BTC: variants seen among roughly 807,000 people sequenced by gnomAD.
The protein encoded by BTC is betacellulin.
Under a neutral mutation model 18.1 loss-of-function variants are expected in BTC, and 13 were observed. That is an observed-to-expected ratio of 0.72 (90% CI 0.47 to 1.14). The LOEUF (loss-of-function observed/expected upper bound fraction) is 1.14, where lower values mean the gene tolerates loss of function less well. Ranked by LOEUF, BTC falls within the 50% of genes most tolerant of loss-of-function variation. The probability of loss-of-function intolerance (pLI) is 0.00; values close to 1 mark genes in which losing one functional copy is unlikely to be tolerated. For missense variants in BTC, 247 were observed against 224.2 expected (o/e 1.10, Z -0.65); for synonymous variants, 83 against 79.4 (o/e 1.05, Z -0.24).
At chr4:74,789,287 G>A (rs1047213470) in intron 1 of BTC, among the ~76,000 whole-genome samples, 55 of 152,242 alleles carry the variant, frequency 3.6e-4, no homozygotes, top group Admixed American at 2.2e-3. Flanking sequence ...GACTATTATG[G>A]CAGTTTCCTT....
chr4:74,747,274 C>T (rs983551248), intron 5 of BTC, among the ~76,000 whole-genome samples: 1 of 152,174 alleles, frequency 6.6e-6, no homozygotes, highest in Non-Finnish European at 1.5e-5. Context: ...ATCACCAGGG[C>T]TCCATTGCCC....
At chr4:74,749,905 G>A (rs1724412617) in intron 4 of BTC, among the ~76,000 whole-genome samples, 1 of 136,786 alleles carries the variant, frequency 7.3e-6, no homozygotes, top group Non-Finnish European at 1.5e-5. Flanking sequence ...GACCAGCCTG[G>A]ACAACATAGT....
chr4:74,761,770 G>C (rs1292103419), intron 2 of BTC, among the ~76,000 whole-genome samples: 1 of 152,144 alleles, frequency 6.6e-6, no homozygotes, highest in Non-Finnish European at 1.5e-5. Context: ...TAGCATCTCA[G>C]ACTGGAAATA....
intron 4 of BTC, among the ~76,000 whole-genome samples, chr4:74,749,745 C>CAAAAAAAAAAAAAAA (rs71220725): frequency 1.8e-5 from 1 of 54,904 alleles, no homozygotes; most frequent in African/African-American, 7.8e-5. Context: ...TCCTGCTCTG[C>CAAAAAAAAAAAAAAA]AAAAAAAAAA....
intron 2 of BTC, among the ~76,000 whole-genome samples, chr4:74,761,698 G>A (rs919376765): frequency 6.6e-6 from 1 of 151,996 alleles, no homozygotes; most frequent in African/African-American, 2.4e-5. Context: ...AAACCCTGCC[G>A]GCTGCATTCA....
At chr4:74,769,233 C>CT (rs544900360) in intron 2 of BTC, among the ~76,000 whole-genome samples, 5 of 151,914 alleles carry the variant, frequency 3.3e-5, no homozygotes, top group South Asian at 2.1e-4. Context: ...GTTTTGTTTT[C>CT]TTTTTTTTAA....
At chr4:74,752,980 G>A (rs1417963855) in intron 3 of BTC, among the ~76,000 whole-genome samples, 1 of 152,094 alleles carries the variant, frequency 6.6e-6, no homozygotes, top group Non-Finnish European at 1.5e-5. Context: ...ATGCTAAAAG[G>A]TCAAACCTTA....
chr4:74,768,257 A>G (rs1362250157), intron 2 of BTC, among the ~76,000 whole-genome samples: 1 of 152,160 alleles, frequency 6.6e-6, no homozygotes, highest in Non-Finnish European at 1.5e-5. Flanking sequence ...ATAACAAGGA[A>G]ACAAATAACC....
chr4:74,750,790 G>C, intron 3 of BTC, 71 bp from the exon 4 acceptor site: 1 of 1,528,662 alleles, frequency 6.5e-7, no homozygotes, highest in Non-Finnish European at 8.9e-7. Context: ...CTTTTCTGAA[G>C]AAATTAACAG....
chr4:74,760,119 T>C (rs1300437495), intron 2 of BTC, among the ~76,000 whole-genome samples: 1 of 152,246 alleles, frequency 6.6e-6, no homozygotes, highest in East Asian at 1.9e-4. Flanking sequence ...TCAGCTACTG[T>C]ATTCTGAAGT....
Position 74,746,105 on chromosome 4 carries a change from G to T in BTC, c.*572C>A, listed in dbSNP as rs1431021933. ...TGCACCGATTCAGACTAACAAAAAT[G>T]ATGGTTAAGAGCATAGATTTTGATT... On this transcript the variant is annotated 3_prime_UTR_variant, in exon 6 of 6. Transcript: ENST00000395743. The T allele has an allele frequency of 1.3e-5, 2 of 152,170 alleles. No homozygotes were observed. Among genetic ancestry groups the T allele is most frequent in the African/African-American group, 2.4e-5 (1 of 41,460 alleles). The allele number at this position is 152,170 out of a possible 1,614,324, so 9.4% of individuals were successfully genotyped here. A position where few individuals can be genotyped will look rare whatever the true frequency, so the allele number is the denominator to read the frequency against.
At chr4:74,786,658 C>G (rs570089759) in intron 1 of BTC, among the ~76,000 whole-genome samples, 69 of 152,300 alleles carry the variant, frequency 4.5e-4, no homozygotes, top group African/African-American at 1.6e-3. Flanking sequence ...TCACAGAATT[C>G]AAGGGTGTTT....
At chr4:74,787,986 A>C (rs1725526048) in intron 1 of BTC, among the ~76,000 whole-genome samples, 1 of 152,186 alleles carries the variant, frequency 6.6e-6, no homozygotes, top group African/African-American at 2.4e-5. Context: ...AGCTGTAGGG[A>C]ATAAGGTAAA....
At chr4:74,785,607 C>G (rs1298751547) in intron 1 of BTC, among the ~76,000 whole-genome samples, 1 of 152,146 alleles carries the variant, frequency 6.6e-6, no homozygotes, top group Non-Finnish European at 1.5e-5. Flanking sequence ...ATTGGAATTT[C>G]CTGCAGTGTC....
chr4:74,782,613 C>T (rs1157593165), intron 1 of BTC, among the ~76,000 whole-genome samples: 1 of 151,440 alleles, frequency 6.6e-6, no homozygotes, highest in African/African-American at 2.4e-5. Flanking sequence ...TTGGTATATG[C>T]CCAGTAATGG....
chr4:74,779,230 C>T (rs1725255744), intron 1 of BTC, among the ~76,000 whole-genome samples: 1 of 152,072 alleles, frequency 6.6e-6, no homozygotes, highest in Non-Finnish European at 1.5e-5. Flanking sequence ...ACTTCACAAC[C>T]TTATATTTTT....
intron 1 of BTC, among the ~76,000 whole-genome samples, chr4:74,789,159 A>G (rs967630158): frequency 1.2e-4 from 19 of 152,212 alleles, no homozygotes; most frequent in Non-Finnish European, 2.5e-4. Flanking sequence ...ACTGTAAACA[A>G]TCCCTGCCAT....
At chr4:74,779,008 T>C (rs1180758072) in intron 1 of BTC, among the ~76,000 whole-genome samples, 1 of 151,984 alleles carries the variant, frequency 6.6e-6, no homozygotes, top group Non-Finnish European at 1.5e-5. Context: ...GGCTTCTGGG[T>C]TTTCAGGGCC....
At chr4:74,784,749 C>A (rs1269941579) in intron 1 of BTC, among the ~76,000 whole-genome samples, 1 of 152,152 alleles carries the variant, frequency 6.6e-6, no homozygotes, top group African/African-American at 2.4e-5. Context: ...ATATGTTGAA[C>A]AAACCTTGCA....
Sources: gnomAD v4.1 joint callset for allele counts (sites outside exome capture counted in the v4.1 genomes callset) on GRCh38, gnomAD v4.1.1 for gene constraint, MANE v1.5 for transcripts, NCBI Gene and HGNC (gene_info 2026-07-23, HGNC 2026-07-21) for gene names.